Variants in MAGI2 observed in about 807,000 individuals in gnomAD.
MAGI2 encodes the protein membrane-associated guanylate kinase, WW and PDZ domain-containing protein 2.
In MAGI2, 35 loss-of-function variants were observed where a neutral mutation model predicts 133.3. The observed-to-expected ratio is 0.26, with a 90% CI of 0.20 to 0.35. The LOEUF (loss-of-function observed/expected upper bound fraction) is 0.35, where lower values mean the gene tolerates loss of function less well. Among genes scored for constraint, MAGI2 ranks in the 10% least tolerant of loss-of-function variants. MAGI2 has a pLI of 1.00. For missense variants in MAGI2, 1,636 were observed against 1,863.4 expected, an observed-to-expected ratio of 0.88 and a Z score of 2.25; for synonymous variants, 729 against 710.6, an observed-to-expected ratio of 1.03 and a Z score of -0.41.
chr7:78,329,395 T>A (rs1280818671), intron 9 of MAGI2, among the ~76,000 whole-genome samples: 1 of 152,218 alleles, frequency 6.6e-6, no homozygotes, highest in Non-Finnish European at 1.5e-5. Flanking sequence ...CTAAGATCTA[T>A]GACTTAGCTA....
chr7:78,135,961 A>G (rs1584086625), intron 16 of MAGI2, among the ~76,000 whole-genome samples: 2 of 152,148 alleles, frequency 1.3e-5, no homozygotes, highest in Admixed American at 6.5e-5. Context: ...ATGCCACGGG[A>G]AAAAAAATAA....
At chr7:78,916,449 C>A (rs979431455) in intron 2 of MAGI2, among the ~76,000 whole-genome samples, 1 of 151,932 alleles carries the variant, frequency 6.6e-6, no homozygotes, top group African/African-American at 2.4e-5. Context: ...TACAGAAGAC[C>A]AGTGTATTTC....
intron 2 of MAGI2, among the ~76,000 whole-genome samples, chr7:78,735,287 G>A (rs569488487): frequency 1.2e-4 from 19 of 152,104 alleles, no homozygotes; most frequent in African/African-American, 4.6e-4. Flanking sequence ...TTATTTGATG[G>A]CCTCACATAC....
chr7:79,317,809 G>C (rs1430355195), intron 1 of MAGI2, among the ~76,000 whole-genome samples: 1 of 152,042 alleles, frequency 6.6e-6, no homozygotes, highest in Non-Finnish European at 1.5e-5. Context: ...GGGGAGTACT[G>C]TGAACTCAAT....
At chr7:78,190,402 T>C (rs2150723971) in intron 12 of MAGI2, among the ~76,000 whole-genome samples, 1 of 152,358 alleles carries the variant, frequency 6.6e-6, no homozygotes, top group Non-Finnish European at 1.5e-5. Context: ...TTTAGAGATA[T>C]GCTTTTCTTG....
chr7:78,472,173 C>G (rs1280182815), intron 6 of MAGI2, among the ~76,000 whole-genome samples: 1 of 152,014 alleles, frequency 6.6e-6, no homozygotes, highest in Admixed American at 6.6e-5. Context: ...TGTTGCATCA[C>G]AAATTTTTGC....
At chr7:79,445,761 T>C (rs1266610560) in intron 1 of MAGI2, among the ~76,000 whole-genome samples, 2 of 152,168 alleles carry the variant, frequency 1.3e-5, no homozygotes, top group East Asian at 3.9e-4. Flanking sequence ...AGTGTGGCAA[T>C]TCCTCAGGGA....
At chr7:78,523,192 T>TG (rs1256327030) in intron 3 of MAGI2, among the ~76,000 whole-genome samples, 3 of 152,194 alleles carry the variant, frequency 2.0e-5, no homozygotes, top group Non-Finnish European at 4.4e-5. Context: ...ACTTAACCTC[T>TG]GTAAGGCTCA....
intron 1 of MAGI2, among the ~76,000 whole-genome samples, chr7:79,249,381 A>C (rs1833061078): frequency 6.6e-6 from 1 of 152,172 alleles, no homozygotes; most frequent in Admixed American, 6.5e-5. Flanking sequence ...AAATCAACAA[A>C]ATTTTAGCGA....
intron 10 of MAGI2, among the ~76,000 whole-genome samples, chr7:78,210,392 A>G (rs1787656030): frequency 6.6e-6 from 1 of 152,192 alleles, no homozygotes; most frequent in South Asian, 2.1e-4. Flanking sequence ...GAGAAGTACT[A>G]TAAAGGAGAA....
chr7:79,225,293 A>G (rs1043913558), intron 1 of MAGI2, among the ~76,000 whole-genome samples: 5 of 152,184 alleles, frequency 3.3e-5, no homozygotes, highest in East Asian at 1.9e-4. Context: ...AAAACACTCA[A>G]TGTAAGAACC....
At chr7:79,362,669 C>T (rs1016079871) in intron 1 of MAGI2, among the ~76,000 whole-genome samples, 2 of 151,820 alleles carry the variant, frequency 1.3e-5, no homozygotes, top group African/African-American at 2.4e-5. Context: ...ATCGTATCAA[C>T]AAGCTAAAAA....
At chr7:78,705,142 T>C (rs1182507557) in intron 2 of MAGI2, among the ~76,000 whole-genome samples, 1 of 152,086 alleles carries the variant, frequency 6.6e-6, no homozygotes, top group African/African-American at 2.4e-5. Context: ...CCAAATCTTA[T>C]CTTGAATTGT....
chr7:79,081,492 G>A (rs1816034496), intron 1 of MAGI2, among the ~76,000 whole-genome samples: 1 of 152,136 alleles, frequency 6.6e-6, no homozygotes, highest in East Asian at 1.9e-4. Context: ...ATTGCACATG[G>A]AAATTTCTCA....
chr7:78,334,550 C>T (rs913072788), intron 9 of MAGI2, among the ~76,000 whole-genome samples: 2 of 152,174 alleles, frequency 1.3e-5, no homozygotes, highest in African/African-American at 4.8e-5. Context: ...AGTCTCCACC[C>T]TAAAAGTTAA....
At chr7:78,704,808 T>C (rs1046632811) in intron 2 of MAGI2, among the ~76,000 whole-genome samples, 9 of 149,100 alleles carry the variant, frequency 6.0e-5, no homozygotes, top group Admixed American at 2.0e-4. Context: ...TGAAACGGAG[T>C]TTTACTCTGT....
Position 78,583,201 on chromosome 7 carries a change from C to A in MAGI2, c.538+43919G>T, listed in dbSNP as rs566891975. Among the ~76,000 whole-genome samples the A allele has an allele frequency of 1.5e-4, 23 of 152,232 alleles. No homozygotes were observed. In the South Asian group the frequency reaches 3.9e-3, roughly 26 times the overall value. On this transcript the variant is annotated intron_variant, in intron 3 of 21. Transcript: ENST00000354212. ...GAGCCTTGACAGAGTAAACATAAGC[C>A]TCTCTCACCCCTTAAAAATTATGAA...
chr7:78,082,460 T>C (rs1222416882), intron 20 of MAGI2, among the ~76,000 whole-genome samples: 1 of 152,172 alleles, frequency 6.6e-6, no homozygotes, highest in Non-Finnish European at 1.5e-5. Context: ...GAGCCTGGGC[T>C]GACCTCTTCA....
At chr7:79,065,996 C>T (rs9692121) in intron 1 of MAGI2, among the ~76,000 whole-genome samples, 117,092 of 152,130 alleles carry the variant, frequency 0.77, 46,211 homozygotes, top group Non-Finnish European at 0.86. Flanking sequence ...GTCTTTGCTA[C>T]TGTGAACAGT....
Sources: gnomAD v4.1 joint callset for allele counts (sites outside exome capture counted in the v4.1 genomes callset) on GRCh38, gnomAD v4.1.1 for gene constraint, MANE v1.5 for transcripts, NCBI Gene and HGNC (gene_info 2026-07-23, HGNC 2026-07-21) for gene names.